APBA3: variants seen among roughly 807,000 people sequenced by gnomAD.
APBA3 encodes the protein amyloid-beta A4 precursor protein-binding family A member 3.
A neutral mutation model predicts 55.9 loss-of-function variants in APBA3; 45 were observed. The observed-to-expected ratio is 0.80, with a 90% CI of 0.63 to 1.03. The LOEUF is 1.03. Among genes scored for constraint, APBA3 ranks in the 50% least tolerant of loss-of-function variants. The pLI is 0.00. For synonymous variants in APBA3, 370 were observed against 353.3 expected (o/e 1.05, Z -0.53); for missense variants, 865 against 820.3 (o/e 1.05, Z -0.67).
At chr19:3,760,379 C>A in intron 1 of APBA3, 78 bp from the exon 2 acceptor site, 1 of 923,416 alleles carries the variant, frequency 1.1e-6, no homozygotes. Flanking sequence ...TTTTGGGAGG[C>A]CCAGAAGGGC....
At chr19:3,753,279 TG>T in intron 6 of APBA3, 1 of 483,330 alleles carries the variant, frequency 2.1e-6, no homozygotes, top group Non-Finnish European at 3.7e-6. Context: ...CCAGGGGGCC[TG>T]GGGCCTCATG....
chr19:3,758,684 C>T (rs1018701373), intron 3 of APBA3, among the ~76,000 whole-genome samples: 10 of 152,134 alleles, frequency 6.6e-5, no homozygotes, highest in Middle Eastern at 6.8e-3. Context: ...TCAACACCAG[C>T]CTGGCCAACA....
chr19:3,752,371 C>G, intron 8 of APBA3, 137 bp downstream of exon 8: 1 of 782,708 alleles, frequency 1.3e-6, no homozygotes. Context: ...CCCAAGGGCA[C>G]ACCAGTGGGC....
chr19:3,751,322 C>T lies in APBA3; in HGVS notation c.1523G>A (p.Ser508Asn), dbSNP rs1397377037. Residue 508 changes from serine to asparagine, a missense_variant, in exon 10 of 11, where the codon AGC becomes AAC. By Grantham distance (46) the Ser-to-Asn change is conservative. Coordinates refer to ENST00000316757, the MANE Select transcript of APBA3 (RefSeq NM_004886.4). ...CTCGGCGATGCCACCACGGAGGAGG[C>T]TGCAGATCTGGGGGAGAAAAGAGGG... ...GFCVEDGIIC[S>N]LLRGGIAERG... The T allele has an allele frequency of 2.3e-5, 35 of 1,534,420 alleles. No homozygotes were observed. The highest frequency in any genetic ancestry group is 2.7e-5 in the Non-Finnish European group (31 of 1,143,366).
Position 3,754,080 on chromosome 19 carries a change from A to G in APBA3, c.788T>C (p.Met263Thr). Residue 263 changes from methionine to threonine, a missense_variant, in exon 5 of 11, where the codon ATG (methionine) becomes ACG (threonine). Met to Thr is a moderately conservative substitution (Grantham distance 81). Coordinates refer to ENST00000316757, the MANE Select transcript of APBA3 (RefSeq NM_004886.4). ...VKAPDGETQP[M>T]TEVDLFVSTK... Reference sequence around the variant, plus strand: ...GGAGACGAACAGGTCCACCTCCGTCATGGGCTGGGTCTCCCCATCGGGGGC... The same window carrying G: ...GGAGACGAACAGGTCCACCTCCGTCGTGGGCTGGGTCTCCCCATCGGGGGC... The G allele has an allele frequency of 6.2e-7, 1 of 1,609,256 alleles. No homozygotes were observed.
intron 1 of APBA3, among the ~76,000 whole-genome samples, chr19:3,761,075 G>A (rs1468125539): frequency 6.6e-6 from 1 of 152,150 alleles, no homozygotes; most frequent in Non-Finnish European, 1.5e-5. Flanking sequence ...AAGAAACTGA[G>A]CCACAGAATG....
Position 3,755,596 on chromosome 19 carries a change from G to C in APBA3, c.617-1256C>G, listed in dbSNP as rs1018363864. 4 of 147,048 alleles carry C rather than the reference G, an allele frequency of 2.7e-5. 1 individual carries two copies. In the South Asian group the frequency reaches 6.4e-4, roughly 24 times the overall value. The allele number at this position is 147,048 out of a possible 1,614,324, so 9.1% of individuals were successfully genotyped here. The stretch of plus-strand genomic sequence containing the variant: ...GTGGATCACCTGAGGTCAGGAGTTC[G>C]AGACCTGCCTGGCCAACATGGCGAA... On this transcript the variant is annotated intron_variant, in intron 3 of 10. Coordinates refer to ENST00000316757, the MANE Select transcript of APBA3 (RefSeq NM_004886.4).
At chr19:3,761,115 C>T (rs1009392911) in intron 1 of APBA3, among the ~76,000 whole-genome samples, 4 of 152,036 alleles carry the variant, frequency 2.6e-5, no homozygotes, top group African/African-American at 9.7e-5. Flanking sequence ...CTTCCCGAGC[C>T]CCTGTGTCAT....
chr19:3,754,902 A>T (rs571887383), intron 3 of APBA3: 1 of 152,398 alleles, frequency 6.6e-6, no homozygotes, highest in Non-Finnish European at 1.5e-5. Context: ...CCCGACCTCA[A>T]GTGATCCACC....
rs2037047379 is a variant in APBA3 at position 3,754,177 on chromosome 19, C to T, written c.762+18G>A. 9 of 1,541,574 alleles carry T rather than the reference C, an allele frequency of 5.8e-6. No individual in the cohort carries two copies. Among genetic ancestry groups the T allele is most frequent in the Non-Finnish European group, 7.9e-6 (9 of 1,142,294 alleles). ...GCAGCCCACCCGCCTGCCCGCCCGGCCCCGGCCGCCCCCTCACCTTGACGC... is the reference window on the plus strand; with the variant it reads ...GCAGCCCACCCGCCTGCCCGCCCGGTCCCGGCCGCCCCCTCACCTTGACGC... On this transcript the variant is annotated intron_variant, in intron 4 of 10. Transcript: ENST00000316757.
Position 3,754,197 on chromosome 19 carries a change from T to C in APBA3, c.760A>G (p.Lys254Glu), listed in dbSNP as rs914527735. Residue 254 changes from lysine (K) to glutamate (E), a missense_variant and splice_region_variant, in exon 4 of 11, where the codon AAG becomes GAG. Coordinates refer to ENST00000316757, the MANE Select transcript of APBA3 (RefSeq NM_004886.4). The part of the protein sequence containing the change: ...AQAREAMDRV[K>E]APDGETQPMT... Reference sequence around the variant, plus strand: ...CCCGGCCCCGGCCGCCCCCTCACCTTGACGCGGTCCATGGCCTCCCGGGCC... The same window carrying C: ...CCCGGCCCCGGCCGCCCCCTCACCTCGACGCGGTCCATGGCCTCCCGGGCC... 6 of 1,541,702 alleles carry C rather than the reference T, an allele frequency of 3.9e-6. No individual in the cohort carries two copies. Among genetic ancestry groups the C allele is most frequent in the Admixed American group, 4.1e-5 (2 of 49,192 alleles).
At position 3,760,117 on chromosome 19, in the gene APBA3, T is replaced by G; in HGVS notation, c.148A>C (p.Met50Leu). ...TGAAGGCTTGACTCATCAAGTTCCA[T>G]CCGACTGAGGCTGCCGGGGCCTCCT... Reference protein sequence around the residue: ...MPGGPGSLSRMELDESSLQEL... With the variant: ...MPGGPGSLSRLELDESSLQEL... The change falls in exon 2 of 11, where the codon ATG (methionine) becomes CTG (leucine). Residue 50 changes from methionine (M) to leucine (L), a missense_variant. Physicochemically the swap from Met to Leu is conservative, Grantham distance 15. Coordinates refer to ENST00000316757, the MANE Select transcript of APBA3 (RefSeq NM_004886.4). The G allele has an allele frequency of 6.2e-7, 1 of 1,613,496 alleles. No homozygotes were observed. The highest frequency in any genetic ancestry group is 8.5e-7 in the Non-Finnish European group (1 of 1,180,036).
rs55977234 is a variant in APBA3, at chr19:3,753,348, G to A, written c.1012-358C>T. 4.6e-3 allele frequency: 1,897 copies of A among 412,112 alleles called. 16 individuals are homozygous for A. Among genetic ancestry groups the A allele is most frequent in the Middle Eastern group, 0.014 (22 of 1,530 alleles). 25.5% of individuals were successfully genotyped at this position (412,112 alleles called of 1,614,324 possible). On this transcript the variant is annotated intron_variant, in intron 6 of 10. Transcript: ENST00000316757. ...TTCGGGGAGTCGGCCGAGAGTCTTGGAGTCTTATAGGAGGCTGGACGCGGT... is the reference window on the plus strand; with the variant it reads ...TTCGGGGAGTCGGCCGAGAGTCTTGAAGTCTTATAGGAGGCTGGACGCGGT...
At position 3,750,857 on chromosome 19, in the gene APBA3, G is replaced by A. The variant is rs556198020; in HGVS notation, c.*169C>T. ...CAGGAAGGACAAGGTCCTCGGTCCCGTAGACCCTGATCCGAGACTTTGCCA... is the reference window on the plus strand; with the variant it reads ...CAGGAAGGACAAGGTCCTCGGTCCCATAGACCCTGATCCGAGACTTTGCCA... On this transcript the variant is annotated 3_prime_UTR_variant, in exon 11 of 11. Transcript: ENST00000316757. 2.0e-5 allele frequency: 20 copies of A among 999,150 alleles called. No homozygotes were observed. The highest frequency in any genetic ancestry group is 8.0e-5 in the African/African-American group (5 of 62,164). The allele number at this position is 999,150 out of a possible 1,614,324, so 61.9% of individuals were successfully genotyped here.
In APBA3 at chr19:3,751,344, A is replaced by AG. The variant is rs754492976; in HGVS notation, c.1516-16dup. ...AGGCTGCAGATCTGGGGGAGAAAAGAGGGGGACGGGAAAGAGGTGGGGGCT... is the reference window on the plus strand; with the variant it reads ...AGGCTGCAGATCTGGGGGAGAAAAGAGGGGGGACGGGAAAGAGGTGGGGGCT... On this transcript the variant is annotated splice_polypyrimidine_tract_variant and intron_variant, in intron 9 of 10. Coordinates refer to ENST00000316757, the MANE Select transcript of APBA3 (RefSeq NM_004886.4). The AG allele has an allele frequency of 1.6e-5, 24 of 1,522,858 alleles. No individual in the cohort carries two copies. The East Asian group carries it at 4.2e-4, about 26-fold the overall frequency. 94.3% of individuals were successfully genotyped at this position (1,522,858 alleles called of 1,614,324 possible). A position where few individuals can be genotyped will look rare whatever the true frequency, so the allele number is the denominator to read the frequency against.
chr19:3,758,110 T>C (rs1326391647), intron 3 of APBA3, among the ~76,000 whole-genome samples: 1 of 151,216 alleles, frequency 6.6e-6, no homozygotes, highest in Non-Finnish European at 1.5e-5. Context: ...AATTTTTGTA[T>C]GTTTAGTAGA....
rs1221427388 is a variant in APBA3, at chr19:3,754,003, G to A, written c.849+16C>T. On this transcript the variant is annotated intron_variant, in intron 5 of 10. Coordinates refer to ENST00000316757, the MANE Select transcript of APBA3 (RefSeq NM_004886.4). ...TCACCCCACCCGCATCCCTGGGGCG[G>A]GTCCCTGCCCCGTACCTGGGAGTCC... 1 of 1,603,038 alleles carries A rather than the reference G, an allele frequency of 6.2e-7. No homozygotes were observed. The highest frequency in any genetic ancestry group is 8.5e-7 in the Non-Finnish European group (1 of 1,174,986).
At chr19:3,752,274 G>A (rs1282864835) in intron 8 of APBA3, among the ~76,000 whole-genome samples, 2 of 152,102 alleles carry the variant, frequency 1.3e-5, no homozygotes, top group South Asian at 2.1e-4. Context: ...CCCAGCCCTG[G>A]AGCTGGGCCA....
At position 3,759,883 on chromosome 19, in the gene APBA3, G is replaced by A. The variant is rs750679597; in HGVS notation, c.382C>T (p.Pro128Ser). The A allele has an allele frequency of 1.9e-6, 3 of 1,612,204 alleles. No homozygotes were observed. The highest frequency in any genetic ancestry group is 2.5e-6 in the Non-Finnish European group (3 of 1,179,708). The change falls in exon 2 of 11, where the codon CCT (proline) becomes TCT (serine). Residue 128 changes from proline to serine, a missense_variant. By Grantham distance (74) the Pro-to-Ser change is moderately conservative. Transcript: ENST00000316757. Reference protein sequence around the residue: ...CEECPPSQTGPEEPLEPAPRL... With the variant: ...CEECPPSQTGSEEPLEPAPRL... ...GGGGCAGGCTCTAGAGGCTCTTCAG[G>A]ACCAGTCTGGGAAGGCGGGCATTCC...
Sources: allele counts gnomAD v4.1 joint callset (sites outside exome capture counted in the v4.1 genomes callset), GRCh38; gene constraint gnomAD v4.1.1; transcripts MANE v1.5; gene names NCBI Gene and HGNC (gene_info 2026-07-23, HGNC 2026-07-21).